The following SLC5A2 variants were observed in gnomAD, a reference collection of about 807,000 sequenced individuals.
SLC5A2 encodes the protein solute carrier family 5 member 2.
SLC5A2 carries 67 observed loss-of-function variants against 69.0 expected under a neutral mutation model. The observed-to-expected ratio is 0.97, with a 90% CI of 0.80 to 1.19. SLC5A2 has a LOEUF of 1.19. Ranked by LOEUF, SLC5A2 falls within the 50% of genes most tolerant of loss-of-function variation. The probability of loss-of-function intolerance (pLI) is 0.00; values close to 1 mark genes in which losing one functional copy is unlikely to be tolerated. For synonymous variants in SLC5A2, 455 were observed against 395.8 expected, an observed-to-expected ratio of 1.15 and a Z score of -1.78; for missense variants, 1,001 against 921.5, an observed-to-expected ratio of 1.09 and a Z score of -1.12.
chr16:31,487,950 AG>A (rs2082512315), intron 7 of SLC5A2, 87 bp from the exon 8 acceptor site: 1 of 1,579,224 alleles, frequency 6.3e-7, no homozygotes, highest in African/African-American at 1.3e-5. Context: ...GGCACTCACG[AG>A]CCAGAGGCGG....
intron 7 of SLC5A2, 108 bp from the exon 8 acceptor site, chr16:31,487,930 C>G (rs1198193461): frequency 2.0e-6 from 3 of 1,533,558 alleles, no homozygotes; most frequent in Admixed American, 1.8e-5. Flanking sequence ...AAGCGTGCAG[C>G]TGAACTTGGG....
intron 7 of SLC5A2, 81 bp from the exon 8 acceptor site, chr16:31,487,957 G>A (rs2082512400): frequency 6.3e-7 from 1 of 1,588,828 alleles, no homozygotes; most frequent in African/African-American, 1.3e-5. Flanking sequence ...ACGAGCCAGA[G>A]GCGGGGCACA....
chr16:31,487,639 C>T lies in SLC5A2; in HGVS notation c.765C>T (p.Cys255=). ...DPAVGNISSF[C]YRPRPDSYHL... ...CCGTGGGAAACATCTCCAGCTTCTG[C>T]TATCGACCCCGGCCCGACTCCTACC... Residue 255 remains cysteine, a synonymous_variant, in exon 7 of 14, where the codon TGC becomes TGT. Coordinates refer to ENST00000330498, the MANE Select transcript of SLC5A2 (RefSeq NM_003041.4). 2 of 1,613,950 alleles carry T rather than the reference C, an allele frequency of 1.2e-6. No homozygotes were observed. Among genetic ancestry groups the T allele is most frequent in the Non-Finnish European group, 1.7e-6 (2 of 1,180,006 alleles).
In SLC5A2 at chr16:31,489,065, T is replaced by A; in HGVS notation, c.1449+17T>A. The A allele has an allele frequency of 1.2e-6, 2 of 1,602,192 alleles. No homozygotes were observed. The highest frequency in any genetic ancestry group is 1.7e-6 in the Non-Finnish European group (2 of 1,179,880). ...AATGAGCAGGTGAGCGGCACGCGCG[T>A]GGTGACGGCAGGGCTGGGCTTGCAC... On this transcript the variant is annotated intron_variant, in intron 11 of 13. Transcript: ENST00000330498.
Position 31,489,250 on chromosome 16 carries a change from A to T in SLC5A2, c.1577A>T (p.Tyr526Phe), listed in dbSNP as rs1383371480. The change falls in exon 12 of 14, where the codon TAC becomes TTC. Residue 526 changes from tyrosine to phenylalanine, a missense_variant. Coordinates refer to ENST00000330498, the MANE Select transcript of SLC5A2 (RefSeq NM_003041.4). ...ACPAFLCGVHYLYFAIVLFFC... is the reference protein window; with the variant it reads ...ACPAFLCGVHFLYFAIVLFFC... ...CCAGCTTTCCTCTGCGGCGTGCACT[A>T]CCTCTACTTCGCCATTGTGCTGTTC... is the stretch of plus-strand genomic sequence containing the variant. 1 of 1,610,424 alleles carries T rather than the reference A, an allele frequency of 6.2e-7. No homozygotes were observed. The highest frequency in any genetic ancestry group is 1.7e-5 in the Admixed American group (1 of 60,008).
At position 31,485,807 on chromosome 16, in the gene SLC5A2, T is replaced by A. The variant is rs772101584; in HGVS notation, c.382T>A (p.Tyr128Asn). The part of the protein sequence containing the change: ...LTAGVITMPQ[Y>N]LRKRFGGRRI... ...AGCGGGGGTCATCACGATGCCACAG[T>A]ACCTGCGCAAGCGCTTCGGCGGCCG... The change falls in exon 4 of 14, where the codon TAC (tyrosine) becomes AAC (asparagine). Residue 128 changes from tyrosine (Y) to asparagine (N), a missense_variant. By Grantham distance (143) the Tyr-to-Asn change is moderately radical. Transcript: ENST00000330498. 3 of 1,613,648 alleles carry A rather than the reference T, an allele frequency of 1.9e-6. No homozygotes were observed. The South Asian group carries it at 3.3e-5, about 18-fold the overall frequency.
Position 31,489,228 on chromosome 16 carries a change from G to A in SLC5A2, c.1555G>A (p.Ala519Thr). 2 of 1,610,428 alleles carry A rather than the reference G, an allele frequency of 1.2e-6. No homozygotes were observed. The highest frequency in any genetic ancestry group is 1.7e-6 in the Non-Finnish European group (2 of 1,179,988). ...CTGTGTGCAGCCCTCGGCGTGCCCA[G>A]CTTTCCTCTGCGGCGTGCACTACCT... ...GSCVQPSACP[A>T]FLCGVHYLYF... is the part of the protein sequence containing the mutation. Residue 519 changes from alanine (A) to threonine (T), a missense_variant, in exon 12 of 14, where the codon GCT becomes ACT. By Grantham distance (58) the Ala-to-Thr change is moderately conservative. Coordinates refer to ENST00000330498, the MANE Select transcript of SLC5A2 (RefSeq NM_003041.4).
intron 6 of SLC5A2, 32 bp downstream of exon 6, chr16:31,487,432 A>G (rs1164829411): frequency 6.2e-7 from 1 of 1,612,044 alleles, no homozygotes; most frequent in African/African-American, 1.3e-5. Context: ...AGGGGCGCGG[A>G]GGGCATGGTC....
chr16:31,488,332 G>A (rs1414116090), intron 8 of SLC5A2, 51 bp from the exon 9 acceptor site: 4 of 1,604,146 alleles, frequency 2.5e-6, no homozygotes, highest in African/African-American at 2.7e-5. Flanking sequence ...CACCTCCTGG[G>A]ATTCCCAGAC....
At chr16:31,483,308 G>T (rs777833900) in intron 1 of SLC5A2, 46 bp downstream of exon 1, 2 of 1,610,248 alleles carry the variant, frequency 1.2e-6, no homozygotes, top group Non-Finnish European at 8.5e-7. Flanking sequence ...GGCTTTGGGG[G>T]CCTGGGGGAA....
At position 31,490,547 on chromosome 16, in the gene SLC5A2, T is replaced by C. The variant is rs1036733905; in HGVS notation, c.*12T>C. The C allele has an allele frequency of 6.9e-6, 11 of 1,593,786 alleles. No homozygotes were observed. Among genetic ancestry groups the C allele is most frequent in the African/African-American group, 1.3e-5 (1 of 74,632 alleles). On this transcript the variant is annotated 3_prime_UTR_variant, in exon 14 of 14. Coordinates refer to ENST00000330498, the MANE Select transcript of SLC5A2 (RefSeq NM_003041.4). The stretch of plus-strand genomic sequence containing the variant: ...GCTTCTATGCCTAAGACCAACTGCG[T>C]TGGACACCATAAGCCACAGCCTCAC...
intron 1 of SLC5A2, 151 bp downstream of exon 1, chr16:31,483,413 G>T: frequency 9.6e-7 from 1 of 1,039,282 alleles, no homozygotes; most frequent in Non-Finnish European, 1.5e-6. Flanking sequence ...AAGTTCTCAG[G>T]GAGACCCAGC....
chr16:31,485,785 G>A lies in SLC5A2; in HGVS notation c.360G>A (p.Ala120=), dbSNP rs778008574. 24 of 1,613,542 alleles carry A rather than the reference G, an allele frequency of 1.5e-5. No homozygotes were observed. Among genetic ancestry groups the A allele is most frequent in the Middle Eastern group, 1.6e-4 (1 of 6,084 alleles). The change falls in exon 4 of 14, where the codon GCG becomes GCA. Residue 120 remains alanine, a synonymous_variant. Transcript: ENST00000330498. ...TGTTTGCACCCGTGTACCTGACAGCGGGGGTCATCACGATGCCACAGTACC... is the reference window on the plus strand; with the variant it reads ...TGTTTGCACCCGTGTACCTGACAGCAGGGGTCATCACGATGCCACAGTACC... ...GWLFAPVYLT[A]GVITMPQYLR...
At chr16:31,484,101 C>T (rs965030077) in intron 1 of SLC5A2, among the ~76,000 whole-genome samples, 1 of 151,252 alleles carries the variant, frequency 6.6e-6, no homozygotes, top group Non-Finnish European at 1.5e-5. Flanking sequence ...AAAAGAAAGA[C>T]AGATGTGGGG....
At chr16:31,485,315 T>C in intron 3 of SLC5A2, 1 of 443,838 alleles carries the variant, frequency 2.3e-6, no homozygotes, top group South Asian at 2.2e-5. Flanking sequence ...GACAAAGCTC[T>C]GGGACTGAGG....
chr16:31,484,256 A>ACACACACACACACG lies in SLC5A2; in HGVS notation c.127-416_127-415insACACACACACACGC, dbSNP rs1284793200. 1.6e-3 allele frequency among the ~76,000 whole-genome samples: 229 copies of ACACACACACACACG among 145,724 alleles called. 37 individuals are homozygous for ACACACACACACACG. The highest frequency in any genetic ancestry group is 5.7e-3 in the African/African-American group (220 of 38,438). On this transcript the variant is annotated intron_variant, in intron 1 of 13. Coordinates refer to ENST00000330498, the MANE Select transcript of SLC5A2 (RefSeq NM_003041.4). ...CACACACACACACACACACACACACACGCACACACACACAAAAAGCTGGGT... is the reference window on the plus strand; with the variant it reads ...CACACACACACACACACACACACACACACACACACACACGCGCACACACACACAAAAAGCTGGGT...
At chr16:31,489,891 C>G (rs746975838) in intron 12 of SLC5A2, 1 of 616,602 alleles carries the variant, frequency 1.6e-6, no homozygotes, top group African/African-American at 1.8e-5. Flanking sequence ...GCAAGGCCAA[C>G]GGCTTTAAAC....
Position 31,490,333 on chromosome 16 carries a change from TC to T in SLC5A2, c.1818del (p.Phe607SerfsTer11), listed in dbSNP as rs1414929141. On this transcript the variant is annotated frameshift_variant, in exon 14 of 14. Coordinates refer to ENST00000330498, the MANE Select transcript of SLC5A2 (RefSeq NM_003041.4). LOFTEE classifies it high-confidence loss of function. ...GAGCCCCAGGCCCCGGCACCAAGCCTCTTCCGCCAGTGCCTGCTCTGGTTTT... is the reference window on the plus strand; with the variant it reads ...GAGCCCCAGGCCCCGGCACCAAGCCTTTCCGCCAGTGCCTGCTCTGGTTTT... ...MNEPQAPAPS[L>X]FRQCLLWFCG... 6.2e-7 allele frequency: 1 copy of T among 1,612,616 alleles called. No homozygotes were observed. The highest frequency in any genetic ancestry group is 1.7e-5 in the Admixed American group (1 of 59,752).
intron 7 of SLC5A2, 59 bp downstream of exon 7, chr16:31,487,818 C>A: frequency 6.6e-7 from 1 of 1,512,752 alleles, no homozygotes; most frequent in Non-Finnish European, 8.9e-7. Flanking sequence ...CGGGCGGAGC[C>A]TGAGTCCCTC....
Sources: gnomAD v4.1 joint callset for allele counts (sites outside exome capture counted in the v4.1 genomes callset) on GRCh38, gnomAD v4.1.1 for gene constraint, MANE v1.5 for transcripts, NCBI Gene and HGNC (gene_info 2026-07-23, HGNC 2026-07-21) for gene names.